The following IRAK4 variants were observed in gnomAD, a reference collection of about 807,000 sequenced individuals.
The protein encoded by IRAK4 is interleukin 1 receptor associated kinase 4.
Under a neutral mutation model 51.8 loss-of-function variants are expected in IRAK4, and 44 were observed. The observed-to-expected ratio is 0.85, with a 90% CI of 0.67 to 1.09. IRAK4 has a LOEUF of 1.09. IRAK4 is among the 50% of genes least tolerant of loss of function. The pLI, the probability that IRAK4 is intolerant of heterozygous loss-of-function variation, is 0.00. For missense variants in IRAK4, 487 were observed against 538.0 expected, an observed-to-expected ratio of 0.91 and a Z score of 0.94; for synonymous variants, 149 against 174.1, an observed-to-expected ratio of 0.86 and a Z score of 1.13.
chr12:43,776,098 G>C (rs4251488), intron 6 of IRAK4, among the ~76,000 whole-genome samples: 11,797 of 151,882 alleles, frequency 0.078, 1,074 homozygotes, highest in African/African-American at 0.22. Context: ...CGTTAGCCAG[G>C]ATGGTTTAGA....
intron 2 of IRAK4, 109 bp downstream of exon 2, chr12:43,768,381 T>A (rs924862484): frequency 1.3e-6 from 1 of 769,230 alleles, no homozygotes. Context: ...ACCTCTCCAC[T>A]ATGGAGGAGA....
At position 43,786,442 on chromosome 12, in the gene IRAK4, A is replaced by G; in HGVS notation, c.1232A>G (p.Glu411Gly). 6.2e-7 allele frequency: 1 copy of G among 1,604,968 alleles called. No individual in the cohort carries two copies. The highest frequency in any genetic ancestry group is 8.5e-7 in the Non-Finnish European group (1 of 1,176,086). Residue 411 changes from glutamate (E) to glycine (G), a missense_variant, in exon 11 of 12, where the codon GAA becomes GGA. Physicochemically the swap from Glu to Gly is moderately conservative, Grantham distance 98. Transcript: ENST00000613694. ...ATTGAAGATGAAGAAAAGACAATTG[A>G]AGATTATATTGATAAAAAGATGAAT... ...EEIEDEEKTI[E>G]DYIDKKMNDA...
intron 10 of IRAK4, among the ~76,000 whole-genome samples, chr12:43,784,826 T>TA (rs1942071692): frequency 6.6e-6 from 1 of 152,174 alleles, no homozygotes; most frequent in African/African-American, 2.4e-5. Context: ...GCACAGTTTT[T>TA]AAAAAAGTGA....
chr12:43,778,271 G>A lies in IRAK4; in HGVS notation c.910G>A (p.Glu304Lys). Reference protein sequence around the residue: ...GAANGINFLHENHHIHRDIKS... With the variant: ...GAANGINFLHKNHHIHRDIKS... Reference sequence around the variant, plus strand: ...AGCTAATGGCATCAATTTTCTACATGAAAATCATCATATTCATAGAGATAT... The same window carrying A: ...AGCTAATGGCATCAATTTTCTACATAAAAATCATCATATTCATAGAGATAT... The change falls in exon 8 of 12, where the codon GAA becomes AAA. Residue 304 changes from glutamate (E) to lysine (K), a missense_variant. Coordinates refer to ENST00000613694, the MANE Select transcript of IRAK4 (RefSeq NM_016123.4). 1 of 1,604,876 alleles carries A rather than the reference G, an allele frequency of 6.2e-7. No homozygotes were observed. Among genetic ancestry groups the A allele is most frequent in the Non-Finnish European group, 8.5e-7 (1 of 1,171,850 alleles).
At chr12:43,773,861 A>T in intron 5 of IRAK4, 104 bp from the exon 6 acceptor site, 2 of 738,410 alleles carry the variant, frequency 2.7e-6, no homozygotes, top group South Asian at 1.5e-5. Flanking sequence ...ATAATACACT[A>T]TTGTTTTAAA....
Position 43,772,319 on chromosome 12 carries a change from C to G in IRAK4, c.447C>G (p.Asp149Glu), listed in dbSNP as rs1317246393. Reference protein sequence around the residue: ...QNLEQSYMPPDSSSPENKSLE... With the variant: ...QNLEQSYMPPESSSPENKSLE... ...TTGAACAAAGCTATATGCCACCTGA[C>G]TCCTCAAGTCCAGAAAATAAAAGTT... is the stretch of plus-strand genomic sequence containing the variant. The change falls in exon 4 of 12, where the codon GAC (aspartate) becomes GAG (glutamate). Residue 149 changes from aspartate (D) to glutamate (E), a missense_variant. Asp to Glu is a conservative substitution (Grantham distance 45). Coordinates refer to ENST00000613694, the MANE Select transcript of IRAK4 (RefSeq NM_016123.4). 3.1e-6 allele frequency: 5 copies of G among 1,613,236 alleles called. No homozygotes were observed. Among genetic ancestry groups the G allele is most frequent in the Admixed American group, 1.7e-5 (1 of 60,004 alleles).
intron 2 of IRAK4, chr12:43,770,971 C>G (rs1248603405): frequency 9.3e-6 from 6 of 644,624 alleles, no homozygotes; most frequent in Non-Finnish European, 1.7e-5. Context: ...TTCTCTCTCT[C>G]TCTTTTTTTT....
At chr12:43,766,919 T>C in intron 1 of IRAK4, among the ~76,000 whole-genome samples, 1 of 152,166 alleles carries the variant, frequency 6.6e-6, no homozygotes, top group East Asian at 1.9e-4. Flanking sequence ...TGATTACAAA[T>C]ACATTGTGCA....
intron 10 of IRAK4, among the ~76,000 whole-genome samples, chr12:43,785,531 C>T (rs1165476456): frequency 6.6e-6 from 1 of 151,186 alleles, no homozygotes; most frequent in Non-Finnish European, 1.5e-5. Context: ...AAGCAATTAG[C>T]TCATAACATA....
At chr12:43,772,830 G>A (rs1940907733) in intron 4 of IRAK4, 82 bp from the exon 5 acceptor site, 3 of 992,718 alleles carry the variant, frequency 3.0e-6, no homozygotes, top group Middle Eastern at 3.1e-4. Flanking sequence ...TTGCATATAT[G>A]TGAAATCTTC....
chr12:43,771,217 AAGG>A lies in IRAK4; in HGVS notation c.162_164del (p.Arg55del). ...TTTTGTTTCTTTGTTACTTACTTTT[AAGG>A]AGATTTGAAGCATTACTTCAAACTG... On this transcript the variant is annotated splice_acceptor_variant and coding_sequence_variant, in exon 3 of 12. Transcript: ENST00000613694. LOFTEE classifies it high-confidence loss of function. The A allele has an allele frequency of 6.2e-7, 1 of 1,612,886 alleles. No homozygotes were observed.
At chr12:43,764,904 A>G (rs138811344) in intron 1 of IRAK4, among the ~76,000 whole-genome samples, 28 of 152,332 alleles carry the variant, frequency 1.8e-4, no homozygotes, top group African/African-American at 6.3e-4. Context: ...CCAGAAAGTC[A>G]GCAAGCAAAA....
At chr12:43,759,378 G>A (rs1054566635) in intron 1 of IRAK4, 4 of 152,206 alleles carry the variant, frequency 2.6e-5, no homozygotes, top group East Asian at 1.9e-4. Flanking sequence ...AGGAAGTCAG[G>A]CCAGCACCTG....
chr12:43,784,621 A>G (rs1477630633), intron 10 of IRAK4, among the ~76,000 whole-genome samples: 8 of 152,218 alleles, frequency 5.3e-5, no homozygotes, highest in East Asian at 1.9e-4. Context: ...TTTCCTTCAA[A>G]ATATATAAAA....
At chr12:43,774,062 A>G (rs1425965035) in intron 6 of IRAK4, 33 bp downstream of exon 6, 1 of 1,499,418 alleles carries the variant, frequency 6.7e-7, no homozygotes, top group Non-Finnish European at 9.2e-7. Context: ...GGTGTAGTGG[A>G]AAGAAAAAAG....
At chr12:43,775,291 A>G (rs1481909902) in intron 6 of IRAK4, among the ~76,000 whole-genome samples, 1 of 152,212 alleles carries the variant, frequency 6.6e-6, no homozygotes, top group African/African-American at 2.4e-5. Context: ...TCATCTGGAA[A>G]ATACAGGAAA....
In IRAK4 at chr12:43,772,231, T is replaced by G. The variant is rs1163597572; in HGVS notation, c.359T>G (p.Val120Gly). The G allele has an allele frequency of 6.2e-7, 1 of 1,613,730 alleles. No individual in the cohort carries two copies. The highest frequency in any genetic ancestry group is 1.3e-5 in the African/African-American group (1 of 74,932). ...CTACCTTCTAAAGAAGCTATAACAG[T>G]TCAGCAAAAACAGATGCCTTTCTGT... is the stretch of plus-strand genomic sequence containing the variant. Reference protein sequence around the residue: ...NTLPSKEAITVQQKQMPFCDK... With the variant: ...NTLPSKEAITGQQKQMPFCDK... Residue 120 changes from valine (V) to glycine (G), a missense_variant, in exon 4 of 12, where the codon GTT (valine) becomes GGT (glycine). Transcript: ENST00000613694.
At chr12:43,778,923 G>A (rs1941536607) in intron 8 of IRAK4, among the ~76,000 whole-genome samples, 1 of 152,116 alleles carries the variant, frequency 6.6e-6, no homozygotes, top group South Asian at 2.1e-4. Flanking sequence ...TGGATGATGG[G>A]GAGAAGAACA....
chr12:43,782,533 A>C, intron 9 of IRAK4, 43 bp downstream of exon 9: 1 of 1,459,384 alleles, frequency 6.9e-7, no homozygotes, highest in Non-Finnish European at 9.6e-7. Flanking sequence ...TCATTCTGCT[A>C]TAATTGTGAA....
Sources: gnomAD v4.1 joint callset for allele counts (sites outside exome capture counted in the v4.1 genomes callset) on GRCh38, gnomAD v4.1.1 for gene constraint, MANE v1.5 for transcripts, NCBI Gene and HGNC (gene_info 2026-07-23, HGNC 2026-07-21) for gene names.